The following LMNTD1 variants were observed in gnomAD, a reference collection of about 807,000 sequenced individuals.
LMNTD1 encodes lamin tail domain containing 1, also known as lamin tail domain-containing protein 1.
A neutral mutation model predicts 50.9 loss-of-function variants in LMNTD1; 35 were observed. That is an observed-to-expected ratio of 0.69 (90% CI 0.53 to 0.91). The LOEUF is 0.91. LMNTD1 is among the 40% of genes least tolerant of loss of function. The probability of loss-of-function intolerance (pLI) is 0.00; values close to 1 mark genes in which losing one functional copy is unlikely to be tolerated. For synonymous variants in LMNTD1, 153 were observed against 161.9 expected (o/e 0.94, Z 0.42); for missense variants, 470 against 475.5 (o/e 0.99, Z 0.11).
intron 2 of LMNTD1, among the ~76,000 whole-genome samples, chr12:25,552,495 A>ACAGC (rs1943813499): frequency 6.8e-6 from 1 of 146,152 alleles, no homozygotes; most frequent in Admixed American, 7.2e-5. Flanking sequence ...AGTCCTAGCT[A>ACAGC]CTCCGAGAGG....
At chr12:25,542,465 G>A (rs1475061805) in intron 4 of LMNTD1, among the ~76,000 whole-genome samples, 5 of 149,110 alleles carry the variant, frequency 3.4e-5, no homozygotes, top group East Asian at 2.0e-4. Context: ...GTAAACTATC[G>A]CAAGAACAAA....
At chr12:25,604,052 A>G (rs1252464474) in intron 1 of LMNTD1, among the ~76,000 whole-genome samples, 1 of 152,134 alleles carries the variant, frequency 6.6e-6, no homozygotes, top group Non-Finnish European at 1.5e-5. Flanking sequence ...TAAAAGAGTC[A>G]TATTTATGAA....
At chr12:25,606,681 C>T (rs1182686871) in intron 1 of LMNTD1, among the ~76,000 whole-genome samples, 5 of 152,182 alleles carry the variant, frequency 3.3e-5, no homozygotes, top group Admixed American at 1.3e-4. Flanking sequence ...AGGAATGAAG[C>T]CCACTTGATC....
At chr12:25,600,976 A>G (rs1945955716) in intron 1 of LMNTD1, among the ~76,000 whole-genome samples, 1 of 151,928 alleles carries the variant, frequency 6.6e-6, no homozygotes, top group African/African-American at 2.4e-5. Context: ...GGAAATCAGT[A>G]TATCAAGGAG....
At chr12:25,640,858 G>A (rs1233903366) in intron 1 of LMNTD1, among the ~76,000 whole-genome samples, 1 of 151,976 alleles carries the variant, frequency 6.6e-6, no homozygotes, top group Non-Finnish European at 1.5e-5. Context: ...TAGCAGAGAC[G>A]GGGTTTCACT....
chr12:25,508,902 T>TCTC (rs140355364), intron 8 of LMNTD1, among the ~76,000 whole-genome samples: 29,564 of 151,946 alleles, frequency 0.19, 3,109 homozygotes, highest in African/African-American at 0.26. Context: ...ATTCTAAGGT[T>TCTC]CTCTTGTGGG....
intron 1 of LMNTD1, among the ~76,000 whole-genome samples, chr12:25,570,398 C>G (rs1365123759): frequency 6.6e-6 from 1 of 152,114 alleles, no homozygotes; most frequent in Non-Finnish European, 1.5e-5. Context: ...TTGGATAGAA[C>G]TTTGAAAGGT....
chr12:25,622,466 C>CT (rs1946493817), intron 1 of LMNTD1, among the ~76,000 whole-genome samples: 1 of 121,212 alleles, frequency 8.3e-6, no homozygotes, highest in Admixed American at 8.7e-5. Context: ...TTTGTGAGCC[C>CT]GCCCCCCCCC....
At chr12:25,634,808 G>T (rs1422922709) in intron 1 of LMNTD1, among the ~76,000 whole-genome samples, 3 of 152,130 alleles carry the variant, frequency 2.0e-5, no homozygotes, top group African/African-American at 7.2e-5. Flanking sequence ...CCTATCCTGA[G>T]CAATCAGACA....
At chr12:25,602,401 C>T (rs1285464217) in intron 1 of LMNTD1, among the ~76,000 whole-genome samples, 2 of 152,038 alleles carry the variant, frequency 1.3e-5, no homozygotes, top group Non-Finnish European at 1.5e-5. Flanking sequence ...AAGGAAGGGA[C>T]ATTTGAGAAA....
chr12:25,571,219 G>C (rs1463688030), intron 1 of LMNTD1, among the ~76,000 whole-genome samples: 1 of 152,072 alleles, frequency 6.6e-6, no homozygotes, highest in Non-Finnish European at 1.5e-5. Flanking sequence ...TAGTTATTTA[G>C]GAAATTAAGG....
At position 25,476,087 on chromosome 12, in the gene LMNTD1, A is replaced by T. The variant is rs1429905759; in HGVS notation, c.*396T>A. ...TAATGAAATGTGGCACAGTTATGGA[A>T]AAAAGAGATTTATCAGTCAATGTAA... is the stretch of plus-strand genomic sequence containing the variant. On this transcript the variant is annotated 3_prime_UTR_variant, in exon 10 of 10. Transcript: ENST00000458174. 1 of 152,230 alleles carries T rather than the reference A, an allele frequency of 6.6e-6. No individual in the cohort carries two copies. The highest frequency in any genetic ancestry group is 1.5e-5 in the Non-Finnish European group (1 of 68,046). 9.4% of individuals were successfully genotyped at this position (152,230 alleles called of 1,614,324 possible).
chr12:25,520,139 GATATACATAT>G (rs1434916291), intron 6 of LMNTD1, 64 bp from the exon 7 acceptor site: 6,477 of 152,216 alleles, frequency 0.043, 615 homozygotes, highest in African/African-American at 0.13. Flanking sequence ...GCTGTTATGA[GATATACATAT>G]ATATATATAT....
chr12:25,590,472 G>A (rs1407036839), intron 1 of LMNTD1, among the ~76,000 whole-genome samples: 1 of 152,120 alleles, frequency 6.6e-6, no homozygotes, highest in Non-Finnish European at 1.5e-5. Context: ...GACAGTCTAG[G>A]CCACAAGGAC....
At chr12:25,490,491 T>G (rs1051299349) in intron 9 of LMNTD1, among the ~76,000 whole-genome samples, 1 of 152,182 alleles carries the variant, frequency 6.6e-6, no homozygotes, top group African/African-American at 2.4e-5. Flanking sequence ...AAGTTAGAAG[T>G]GAAGCCCTTA....
At chr12:25,624,483 C>G (rs1036152527) in intron 1 of LMNTD1, among the ~76,000 whole-genome samples, 1 of 152,136 alleles carries the variant, frequency 6.6e-6, no homozygotes, top group Non-Finnish European at 1.5e-5. Context: ...AAAGAGCTCA[C>G]CAGCCACAGC....
At chr12:25,571,339 T>TTTTA (rs55781545) in intron 1 of LMNTD1, among the ~76,000 whole-genome samples, 8,562 of 148,700 alleles carry the variant, frequency 0.058, 275 homozygotes, top group East Asian at 0.084. Context: ...AAAAAAGTAT[T>TTTTA]TTTATTTATT....
intron 4 of LMNTD1, among the ~76,000 whole-genome samples, chr12:25,529,824 TCAAA>T (rs1435464153): frequency 1.3e-5 from 2 of 152,088 alleles, no homozygotes; most frequent in African/African-American, 2.4e-5. Context: ...ATCACAGCAC[TCAAA>T]CAAAGCCCTA....
At chr12:25,599,546 A>T (rs762655801) in intron 1 of LMNTD1, among the ~76,000 whole-genome samples, 1 of 152,218 alleles carries the variant, frequency 6.6e-6, no homozygotes, top group Non-Finnish European at 1.5e-5. Flanking sequence ...TTAAATTTGG[A>T]AAAACCTAAA....
Sources: allele counts gnomAD v4.1 joint callset (sites outside exome capture counted in the v4.1 genomes callset), GRCh38; gene constraint gnomAD v4.1.1; transcripts MANE v1.5; gene names NCBI Gene and HGNC (gene_info 2026-07-23, HGNC 2026-07-21).